The following OSBPL3 variants were observed in gnomAD, a reference collection of about 807,000 sequenced individuals.
OSBPL3 encodes the protein oxysterol binding protein like 3, also known as oxysterol-binding protein-related protein 3.
Under a neutral mutation model 120.1 loss-of-function variants are expected in OSBPL3, and 65 were observed. The ratio of observed to expected loss-of-function variants is 0.54; its 90% CI spans 0.44 to 0.67. The LOEUF is 0.67. Ranked by LOEUF, OSBPL3 falls within the 30% of genes least tolerant of loss-of-function variation. The pLI is 0.00. For synonymous variants in OSBPL3, 416 were observed against 402.6 expected (o/e 1.03, Z -0.40); for missense variants, 1,004 against 1,082.1 (o/e 0.93, Z 1.01).
At position 24,805,996 on chromosome 7, in the gene OSBPL3, A is replaced by G. The variant is rs1445042862; in HGVS notation, c.2444+780T>C. ...TGGGGGTGTGAGTTCTCACTGAGAC[A>G]CTCAGGCTGGAGAGCAATGGCGTGG... On this transcript the variant is annotated intron_variant, in intron 21 of 22. Coordinates refer to ENST00000313367, the MANE Select transcript of OSBPL3 (RefSeq NM_015550.4). This position sits in a 1 kb window ranked among gnomAD's most constrained non-coding sequence, Gnocchi z 4.0. 6.6e-6 allele frequency among the ~76,000 whole-genome samples: 1 copy of G among 152,148 alleles called. No homozygotes were observed. Among genetic ancestry groups the G allele is most frequent in the East Asian group, 1.9e-4 (1 of 5,192 alleles).
chr7:24,802,041 C>G lies in OSBPL3; in HGVS notation c.2568-1762G>C, dbSNP rs1792428069. Among the ~76,000 whole-genome samples the G allele has an allele frequency of 1.3e-5, 2 of 152,182 alleles. No homozygotes were observed. The highest frequency in any genetic ancestry group is 6.5e-5 in the Admixed American group (1 of 15,276). The stretch of plus-strand genomic sequence containing the variant: ...TCAAAGAGTATGTGCATTTGTGATT[C>G]TGACTGATATTACCATATGGTTTAG... On this transcript the variant is annotated intron_variant, in intron 22 of 22. Coordinates refer to ENST00000313367, the MANE Select transcript of OSBPL3 (RefSeq NM_015550.4). This position sits in a 1 kb window ranked among gnomAD's most constrained non-coding sequence, Gnocchi z 4.1.
At position 24,831,863 on chromosome 7, in the gene OSBPL3, C is replaced by T. The variant is rs1796404617; in HGVS notation, c.1747-958G>A. On this transcript the variant is annotated intron_variant, in intron 15 of 22. Coordinates refer to ENST00000313367, the MANE Select transcript of OSBPL3 (RefSeq NM_015550.4). The surrounding 1 kb of genome is among the most constrained non-coding windows in gnomAD (Gnocchi z 4.0). ...CCTGTAATAGGGACCACCTCACCACCTCATGCTATAGAATTCTCTAGAGCA... is the reference window on the plus strand; with the variant it reads ...CCTGTAATAGGGACCACCTCACCACTTCATGCTATAGAATTCTCTAGAGCA... 1.3e-5 allele frequency among the ~76,000 whole-genome samples: 2 copies of T among 152,302 alleles called. No individual in the cohort carries two copies. Among genetic ancestry groups the T allele is most frequent in the Middle Eastern group, 3.4e-3 (1 of 294 alleles).
rs1005760189 is a variant in OSBPL3, at chr7:24,866,112, T to A, written c.507A>T (p.Thr169=). 1 of 1,613,896 alleles carries A rather than the reference T, an allele frequency of 6.2e-7. No homozygotes were observed. The highest frequency in any genetic ancestry group is 1.7e-5 in the Admixed American group (1 of 60,018). The change falls in exon 6 of 23, where the codon ACA becomes ACT. Residue 169 remains threonine (T), a synonymous_variant. Coordinates refer to ENST00000313367, the MANE Select transcript of OSBPL3 (RefSeq NM_015550.4). ...VNHFFSGSTI[T]DSSSGVFDSI... is the part of the protein sequence containing the mutation. The stretch of plus-strand genomic sequence containing the variant: ...AGTCAAACACCCCAGATGAAGAGTC[T>A]GTGATGGTGGACCCTGAGAAAAAGT...
Position 24,967,767 on chromosome 7 carries a change from G to T in OSBPL3, c.-150+12119C>A, listed in dbSNP as rs765729234. ...TGCCCCAAAGGTTCTATAGGTAAAGGCCCCCTTAACTGTCACAATTTTAAC... is the reference window on the plus strand; with the variant it reads ...TGCCCCAAAGGTTCTATAGGTAAAGTCCCCCTTAACTGTCACAATTTTAAC... On this transcript the variant is annotated intron_variant, in intron 1 of 22. Coordinates refer to ENST00000313367, the MANE Select transcript of OSBPL3 (RefSeq NM_015550.4). The surrounding 1 kb of genome is among the most constrained non-coding windows in gnomAD (Gnocchi z 5.6). Among the ~76,000 whole-genome samples the T allele has an allele frequency of 3.3e-5, 5 of 151,992 alleles. No homozygotes were observed. Among genetic ancestry groups the T allele is most frequent in the Non-Finnish European group, 7.4e-5 (5 of 68,026 alleles).
intron 1 of OSBPL3, among the ~76,000 whole-genome samples, chr7:24,951,472 C>T (rs568077409): frequency 1.3e-5 from 2 of 152,220 alleles, no homozygotes; most frequent in South Asian, 4.1e-4. Context: ...AAATCCATGA[C>T]TACAGATGTG....
Position 24,834,213 on chromosome 7 carries a change from C to G in OSBPL3, c.1746+273G>C, listed in dbSNP as rs1035648458. 4 of 1,166,538 alleles carry G rather than the reference C, an allele frequency of 3.4e-6. No homozygotes were observed. Among genetic ancestry groups the G allele is most frequent in the Admixed American group, 4.5e-5 (1 of 22,084 alleles). 72.3% of individuals were successfully genotyped at this position (1,166,538 alleles called of 1,614,324 possible). ...ATCGGAACAATCAGCCAGAAGGCTT[C>G]TGGAGAAAGAGGAAGCACAAACCCA... is the stretch of plus-strand genomic sequence containing the variant. On this transcript the variant is annotated intron_variant, in intron 15 of 22. Coordinates refer to ENST00000313367, the MANE Select transcript of OSBPL3 (RefSeq NM_015550.4). This position sits in a 1 kb window ranked among gnomAD's most constrained non-coding sequence, Gnocchi z 5.2.
intron 19 of OSBPL3, 97 bp from the exon 20 acceptor site, chr7:24,810,048 G>C: frequency 7.4e-7 from 1 of 1,354,530 alleles, no homozygotes; most frequent in Non-Finnish European, 1.0e-6. Flanking sequence ...AGGACTGTAA[G>C]AGTGGCTCCA....
At chr7:24,962,470 G>GGAGAGAGGAT (rs1815899945) in intron 1 of OSBPL3, among the ~76,000 whole-genome samples, 1 of 150,646 alleles carries the variant, frequency 6.6e-6, no homozygotes, top group Non-Finnish European at 1.5e-5. Context: ...GGAGAGAGGA[G>GGAGAGAGGAT]GAGAGAGGAG....
intron 22 of OSBPL3, among the ~76,000 whole-genome samples, chr7:24,801,203 C>T (rs1584154382): frequency 7.5e-6 from 1 of 132,874 alleles, no homozygotes; most frequent in South Asian, 2.3e-4. Flanking sequence ...AGGATCACGG[C>T]ACTGCACTCC....
In OSBPL3 at chr7:24,955,364, A is replaced by G. The variant is rs956666767; in HGVS notation, c.-150+24522T>C. Among the ~76,000 whole-genome samples the G allele has an allele frequency of 1.3e-5, 2 of 152,214 alleles. No homozygotes were observed. The highest frequency in any genetic ancestry group is 2.9e-5 in the Non-Finnish European group (2 of 68,024). ...TTCCAACAACAAAAATATACTGAGC[A>G]CTTACAATGCGCTGGGAATTTTTCC... On this transcript the variant is annotated intron_variant, in intron 1 of 22. Transcript: ENST00000313367. The surrounding 1 kb of genome is among the most constrained non-coding windows in gnomAD (Gnocchi z 4.3).
intron 1 of OSBPL3, among the ~76,000 whole-genome samples, chr7:24,917,399 AACATATATATAT>A (rs1809735617): frequency 2.3e-5 from 1 of 42,982 alleles, no homozygotes; most frequent in Non-Finnish European, 4.5e-5. Context: ...ATATATTTGT[AACATATATATAT>A]ATATATATAT....
intron 2 of OSBPL3, among the ~76,000 whole-genome samples, chr7:24,885,761 T>C (rs1265480437): frequency 1.3e-5 from 2 of 152,236 alleles, no homozygotes; most frequent in Non-Finnish European, 2.9e-5. Context: ...CTGTCCTTCA[T>C]AGCTTCGTAT....
At chr7:24,895,305 A>C (rs1805975694) in intron 1 of OSBPL3, among the ~76,000 whole-genome samples, 1 of 152,222 alleles carries the variant, frequency 6.6e-6, no homozygotes, top group Non-Finnish European at 1.5e-5. Flanking sequence ...TTAGTTACAC[A>C]AGTCCTTACA....
chr7:24,885,260 C>G (rs17150431), intron 2 of OSBPL3, among the ~76,000 whole-genome samples: 4,931 of 151,612 alleles, frequency 0.033, 138 homozygotes, highest in African/African-American at 0.067. Context: ...ATGGGACTAA[C>G]CATTTTCAAT....
Position 24,834,290 on chromosome 7 carries a change from C to G in OSBPL3, c.1746+196G>C, listed in dbSNP as rs1333829062. 1 of 1,418,162 alleles carries G rather than the reference C, an allele frequency of 7.1e-7. No homozygotes were observed. The highest frequency in any genetic ancestry group is 2.7e-5 in the East Asian group (1 of 37,604). 87.8% of individuals were successfully genotyped at this position (1,418,162 alleles called of 1,614,324 possible). A position where few individuals can be genotyped will look rare whatever the true frequency, so the allele number is the denominator to read the frequency against. Reference sequence around the variant, plus strand: ...GTGCCACGGAGAAGCACCCCAACCCCGTCTCCAAATCCTCACAAGGTGACT... The same window carrying G: ...GTGCCACGGAGAAGCACCCCAACCCGGTCTCCAAATCCTCACAAGGTGACT... On this transcript the variant is annotated intron_variant, in intron 15 of 22. Transcript: ENST00000313367. This position sits in a 1 kb window ranked among gnomAD's most constrained non-coding sequence, Gnocchi z 5.2.
chr7:24,979,949 C>T lies in OSBPL3; in HGVS notation c.-213G>A. ...GGGGCCGGGCTCCGGGGTTAGCGCA[C>T]AGAACCGGGAGAAGGCAACCCCGGC... is the stretch of plus-strand genomic sequence containing the variant. On this transcript the variant is annotated 5_prime_UTR_variant, in exon 1 of 23. In the 5' UTR this introduces an upstream ATG that the reference lacks. Coordinates refer to ENST00000313367, the MANE Select transcript of OSBPL3 (RefSeq NM_015550.4). The T allele has an allele frequency of 1.0e-6, 1 of 985,128 alleles. No homozygotes were observed. Among genetic ancestry groups the T allele is most frequent in the Non-Finnish European group, 1.2e-6 (1 of 829,936 alleles). The allele number at this position is 985,128 out of a possible 1,614,324, so 61.0% of individuals were successfully genotyped here. A position where few individuals can be genotyped will look rare whatever the true frequency, so the allele number is the denominator to read the frequency against.
At chr7:24,951,664 C>A (rs894276957) in intron 1 of OSBPL3, among the ~76,000 whole-genome samples, 1 of 152,166 alleles carries the variant, frequency 6.6e-6, no homozygotes, top group Non-Finnish European at 1.5e-5. Context: ...AAGACGTAAG[C>A]TTTGAGCTTA....
Position 24,833,957 on chromosome 7 carries a change from T to C in OSBPL3, c.1746+529A>G, listed in dbSNP as rs1796686881. On this transcript the variant is annotated intron_variant, in intron 15 of 22. Transcript: ENST00000313367. The surrounding 1 kb of genome is among the most constrained non-coding windows in gnomAD (Gnocchi z 4.4). ...GATTTTTTTTAAGTACTCTATAAAA[T>C]AAGAGGGAGAGAGAAAAAAAGAATA... is the stretch of plus-strand genomic sequence containing the variant. The C allele has an allele frequency of 3.5e-6, 1 of 283,286 alleles. No individual in the cohort carries two copies. The highest frequency in any genetic ancestry group is 6.5e-5 in the Admixed American group (1 of 15,392). The allele number at this position is 283,286 out of a possible 1,614,324, so 17.5% of individuals were successfully genotyped here. A position where few individuals can be genotyped will look rare whatever the true frequency, so the allele number is the denominator to read the frequency against.
rs1476908498 is a variant in OSBPL3 at position 24,803,211 on chromosome 7, G to C, written c.2567+1104C>G. Among the ~76,000 whole-genome samples, 2 of 152,152 alleles carry C rather than the reference G, an allele frequency of 1.3e-5. No homozygotes were observed. Among genetic ancestry groups the C allele is most frequent in the African/African-American group, 4.8e-5 (2 of 41,428 alleles). ...AAAAAACATCCCAAAACAATGAAAA[G>C]ACACTGGTGGCCCTGGAAGGACTTG... On this transcript the variant is annotated intron_variant, in intron 22 of 22. Coordinates refer to ENST00000313367, the MANE Select transcript of OSBPL3 (RefSeq NM_015550.4). This position sits in a 1 kb window ranked among gnomAD's most constrained non-coding sequence, Gnocchi z 4.2.
Sources: allele counts gnomAD v4.1 joint callset (sites outside exome capture counted in the v4.1 genomes callset), GRCh38; gene constraint gnomAD v4.1.1; non-coding constraint Gnocchi (gnomAD v3.1); transcripts MANE v1.5; gene names NCBI Gene and HGNC (gene_info 2026-07-23, HGNC 2026-07-21).